Variants in ITPR2 observed in about 807,000 individuals in gnomAD.
ITPR2 encodes the protein inositol 1,4,5-trisphosphate receptor type 2.
Under a neutral mutation model 317.1 loss-of-function variants are expected in ITPR2, and 207 were observed. The observed-to-expected ratio is 0.65, with a 90% confidence interval of 0.58 to 0.73. ITPR2 has a LOEUF of 0.73. Among genes scored for constraint, ITPR2 ranks in the 30% least tolerant of loss-of-function variants. ITPR2 has a pLI of 0.00. For synonymous variants in ITPR2, 1,156 were observed against 1,149.1 expected (o/e 1.01, Z -0.12); for missense variants, 2,613 against 3,284.0 (o/e 0.80, Z 4.99).
At chr12:26,617,437 T>A (rs944896364) in intron 26 of ITPR2, among the ~76,000 whole-genome samples, 1 of 152,136 alleles carries the variant, frequency 6.6e-6, no homozygotes, top group Non-Finnish European at 1.5e-5. Flanking sequence ...CTTTCCCCAA[T>A]GTAAATATCA....
chr12:26,656,410 G>C lies in ITPR2; in HGVS notation c.2331C>G (p.Ser777=). Residue 777 remains serine, a synonymous_variant, in exon 19 of 57, where the codon TCC becomes TCG. Transcript: ENST00000381340. ...GCATGTGGAGCATGAGGCGACAGAA[G>C]GACGCTCGGAGGTCGAACGGCAGGC... ...DESLPFDLRA[S]FCRLMLHMHV... The C allele has an allele frequency of 6.2e-7, 1 of 1,614,238 alleles. No individual in the cohort carries two copies. Among genetic ancestry groups the C allele is most frequent in the Non-Finnish European group, 8.5e-7 (1 of 1,180,046 alleles).
intron 37 of ITPR2, among the ~76,000 whole-genome samples, chr12:26,548,665 T>C (rs1944447305): frequency 6.6e-6 from 1 of 152,118 alleles, no homozygotes; most frequent in Non-Finnish European, 1.5e-5. Context: ...GCTGGGGGTG[T>C]CCTTTACATC....
chr12:26,531,143 C>T (rs1297192823), intron 37 of ITPR2, among the ~76,000 whole-genome samples: 1 of 152,138 alleles, frequency 6.6e-6, no homozygotes, highest in Non-Finnish European at 1.5e-5. Flanking sequence ...GTGTCTGGTT[C>T]CCTTGGATTA....
chr12:26,830,596 C>G (rs1024287655), intron 1 of ITPR2, among the ~76,000 whole-genome samples: 1 of 152,196 alleles, frequency 6.6e-6, no homozygotes, highest in Non-Finnish European at 1.5e-5. Flanking sequence ...TGATCAGGGT[C>G]GACTCCACAA....
intron 21 of ITPR2, among the ~76,000 whole-genome samples, chr12:26,638,001 C>A (rs1024661189): frequency 3.9e-5 from 6 of 152,056 alleles, no homozygotes; most frequent in African/African-American, 1.4e-4. Flanking sequence ...AAAAACCAAC[C>A]AAAAGCATGT....
chr12:26,603,879 T>C (rs1456627482), intron 26 of ITPR2, among the ~76,000 whole-genome samples: 1 of 151,768 alleles, frequency 6.6e-6, no homozygotes, highest in Non-Finnish European at 1.5e-5. Flanking sequence ...GCAATCAGAG[T>C]GGGGTCTGAT....
intron 29 of ITPR2, 109 bp from the exon 30 acceptor site, chr12:26,599,454 C>T (rs1460627343): frequency 1.0e-6 from 1 of 969,996 alleles, no homozygotes; most frequent in Non-Finnish European, 1.6e-6. Context: ...TTATACGAAG[C>T]CACAGTGAAT....
At chr12:26,386,581 T>C (rs907539155) in intron 55 of ITPR2, among the ~76,000 whole-genome samples, 3 of 152,048 alleles carry the variant, frequency 2.0e-5, no homozygotes, top group African/African-American at 7.2e-5. Context: ...TATTAAGTGT[T>C]TTCCTTAGGA....
At chr12:26,408,951 T>G (rs1207996095) in intron 52 of ITPR2, among the ~76,000 whole-genome samples, 1 of 152,152 alleles carries the variant, frequency 6.6e-6, no homozygotes, top group Non-Finnish European at 1.5e-5. Context: ...AAATAAATAC[T>G]GATGACAATA....
intron 36 of ITPR2, among the ~76,000 whole-genome samples, chr12:26,551,585 C>T (rs1323028323): frequency 6.6e-6 from 1 of 152,212 alleles, no homozygotes; most frequent in East Asian, 1.9e-4. Context: ...AGTGCCACAA[C>T]AGAGGCATTG....
intron 20 of ITPR2, among the ~76,000 whole-genome samples, chr12:26,655,439 C>T (rs935821947): frequency 3.3e-5 from 5 of 151,646 alleles, no homozygotes; most frequent in African/African-American, 1.2e-4. Flanking sequence ...ATGGTGAAAC[C>T]CCGTCTCTAC....
intron 10 of ITPR2, among the ~76,000 whole-genome samples, chr12:26,687,910 G>A (rs7953757): frequency 0.2 from 31,022 of 151,968 alleles, 3,937 homozygotes; most frequent in African/African-American, 0.35. Flanking sequence ...CATAACAGTA[G>A]TTTCTTATTT....
At chr12:26,803,173 C>A (rs1950588077) in intron 1 of ITPR2, among the ~76,000 whole-genome samples, 1 of 152,160 alleles carries the variant, frequency 6.6e-6, no homozygotes. Flanking sequence ...GGCTTAGGGT[C>A]TCCTATGATC....
rs768401321 is a variant in ITPR2, at chr12:26,486,099, A to C, written c.5811+5T>G. On this transcript the variant is annotated splice_donor_5th_base_variant and intron_variant, in intron 41 of 56. Coordinates refer to ENST00000381340, the MANE Select transcript of ITPR2 (RefSeq NM_002223.4). ...CTCAGCTTTCACACAAAACAGAACA[A>C]ATACCTGCAATTCCCGGTTGTGATT... 2 of 1,613,964 alleles carry C rather than the reference A, an allele frequency of 1.2e-6. No homozygotes were observed. The highest frequency in any genetic ancestry group is 1.7e-6 in the Non-Finnish European group (2 of 1,179,936).
At chr12:26,823,223 G>A (rs1950964814) in intron 1 of ITPR2, among the ~76,000 whole-genome samples, 1 of 152,070 alleles carries the variant, frequency 6.6e-6, no homozygotes, top group African/African-American at 2.4e-5. Context: ...TACCTCCATT[G>A]CTAAAAAATT....
At chr12:26,536,119 G>A (rs1213751197) in intron 37 of ITPR2, among the ~76,000 whole-genome samples, 1 of 152,174 alleles carries the variant, frequency 6.6e-6, no homozygotes, top group Non-Finnish European at 1.5e-5. Context: ...TTTTGTACAA[G>A]AACTTTGAGC....
chr12:26,430,159 A>T (rs573728021), intron 48 of ITPR2, among the ~76,000 whole-genome samples: 2 of 152,380 alleles, frequency 1.3e-5, no homozygotes, highest in South Asian at 2.1e-4. Flanking sequence ...TATTTAAAAC[A>T]GCTATTGCCA....
At position 26,699,072 on chromosome 12, in the gene ITPR2, G is replaced by A. The variant is rs143218422; in HGVS notation, c.952-3422C>T. Among the ~76,000 whole-genome samples the A allele has an allele frequency of 1.6e-3, 246 of 151,318 alleles. 1 individual carries two copies. Among genetic ancestry groups the A allele is most frequent in the African/African-American group, 5.7e-3 (234 of 41,220 alleles). On this transcript the variant is annotated intron_variant, in intron 9 of 56. Coordinates refer to ENST00000381340, the MANE Select transcript of ITPR2 (RefSeq NM_002223.4). ...TATCCAAATGATATGCAACATGTTCGACCAAGGATGTACCTTATGGCCCAA... is the reference window on the plus strand; with the variant it reads ...TATCCAAATGATATGCAACATGTTCAACCAAGGATGTACCTTATGGCCCAA...
At chr12:26,676,553 T>C (rs1313277319) in intron 13 of ITPR2, among the ~76,000 whole-genome samples, 5 of 149,414 alleles carry the variant, frequency 3.3e-5, no homozygotes, top group African/African-American at 1.2e-4. Context: ...TTATAACCCA[T>C]AGGCCTCTCC....
Sources: gnomAD v4.1 joint callset for allele counts (sites outside exome capture counted in the v4.1 genomes callset) on GRCh38, gnomAD v4.1.1 for gene constraint, MANE v1.5 for transcripts, NCBI Gene and HGNC (gene_info 2026-07-23, HGNC 2026-07-21) for gene names.